TTC13: variants seen among roughly 807,000 people sequenced by gnomAD.
The protein encoded by TTC13 is tetratricopeptide repeat protein 13.
In TTC13, 62 loss-of-function variants were observed where a neutral mutation model predicts 120.0. The observed-to-expected ratio is 0.52, with a 90% CI of 0.42 to 0.64. The LOEUF is 0.64. Among genes scored for constraint, TTC13 ranks in the 30% least tolerant of loss-of-function variants. The pLI is 0.00. For synonymous variants in TTC13, 384 were observed against 393.5 expected (o/e 0.98, Z 0.28); for missense variants, 824 against 1,050.2 (o/e 0.78, Z 2.98).
intron 1 of TTC13, among the ~76,000 whole-genome samples, chr1:230,974,081 A>T (rs1023008682): frequency 2.0e-5 from 3 of 152,020 alleles, no homozygotes; most frequent in South Asian, 4.1e-4. Flanking sequence ...CATCTCAAAA[A>T]AAAAAAAAAA....
At chr1:230,972,368 T>C (rs1326920277) in intron 1 of TTC13, among the ~76,000 whole-genome samples, 2 of 152,248 alleles carry the variant, frequency 1.3e-5, no homozygotes, top group Non-Finnish European at 2.9e-5. Context: ...CTCCTGTATA[T>C]ATGTTGTATT....
chr1:230,921,383 TC>T, intron 16 of TTC13, 37 bp downstream of exon 16: 1 of 1,161,454 alleles, frequency 8.6e-7, no homozygotes. Flanking sequence ...ACACATGAAA[TC>T]AACTCATTAC....
In TTC13 at chr1:230,968,782, G is replaced by C. The variant is rs1677420060; in HGVS notation, c.272-7479C>G. ...GAAGTGGTGCCATCAACGGAAACAA[G>C]GAGTTTAAGAGGAAGAGAGGTTTTA... is the stretch of plus-strand genomic sequence containing the variant. On this transcript the variant is annotated intron_variant, in intron 1 of 22. Coordinates refer to ENST00000366661, the MANE Select transcript of TTC13 (RefSeq NM_024525.5). 2.6e-5 allele frequency among the ~76,000 whole-genome samples: 4 copies of C among 152,320 alleles called. No homozygotes were observed. The South Asian group carries it at 6.2e-4, about 24-fold the overall frequency.
chr1:230,912,059 G>A (rs755087813), intron 19 of TTC13, among the ~76,000 whole-genome samples: 5 of 152,110 alleles, frequency 3.3e-5, no homozygotes, highest in Admixed American at 1.3e-4. Context: ...AGGGGCACCC[G>A]TCCACTGCAG....
At chr1:230,953,630 C>T (rs1219488874) in intron 4 of TTC13, among the ~76,000 whole-genome samples, 1 of 152,190 alleles carries the variant, frequency 6.6e-6, no homozygotes, top group South Asian at 2.1e-4. Flanking sequence ...GCATCTCTAG[C>T]TCTAAAATCC....
In TTC13 at chr1:230,924,876, C is replaced by G; in HGVS notation, c.1686G>C (p.Trp562Cys). The change falls in exon 14 of 23, where the codon TGG (tryptophan) becomes TGC (cysteine). Residue 562 changes from tryptophan (W) to cysteine (C), a missense_variant. Coordinates refer to ENST00000366661, the MANE Select transcript of TTC13 (RefSeq NM_024525.5). ...RMNGKTRLMQ[W>C]RDMFDIAVKW... is the part of the protein sequence containing the mutation. ...TAACTGCAATGTCAAACATGTCTCT[C>G]CACTGCATCAACCGTGTCTTCCCAT... 6.2e-7 allele frequency: 1 copy of G among 1,614,200 alleles called. No individual in the cohort carries two copies. Among genetic ancestry groups the G allele is most frequent in the Non-Finnish European group, 8.5e-7 (1 of 1,180,032 alleles).
chr1:230,978,721 G>A lies in TTC13; in HGVS notation c.110C>T (p.Ala37Val). 1 of 1,496,200 alleles carries A rather than the reference G, an allele frequency of 6.7e-7. No homozygotes were observed. The highest frequency in any genetic ancestry group is 8.8e-7 in the Non-Finnish European group (1 of 1,131,430). The allele number at this position is 1,496,200 out of a possible 1,614,324, so 92.7% of individuals were successfully genotyped here. Residue 37 changes from alanine (A) to valine (V), a missense_variant, in exon 1 of 23, where the codon GCC (alanine) becomes GTC (valine). Transcript: ENST00000366661. The surrounding 1 kb of genome is among the most constrained non-coding windows in gnomAD (Gnocchi z 5.6). ...LLLLLLGVLS[A>V]GLRPGALATE... ...GGCCAGGGCGCCTGGCCGCAGCCCG[G>A]CGGACAGGACCCCCAGCAGCAGCAG...
intron 6 of TTC13, among the ~76,000 whole-genome samples, chr1:230,943,235 TTG>T (rs1366139100): frequency 6.6e-6 from 1 of 152,132 alleles, no homozygotes; most frequent in African/African-American, 2.4e-5. Context: ...GTTATATTTT[TTG>T]TGTTTTTTTT....
intron 15 of TTC13, among the ~76,000 whole-genome samples, chr1:230,921,967 T>G (rs1672612588): frequency 1.3e-5 from 2 of 152,202 alleles, no homozygotes; most frequent in South Asian, 4.1e-4. Flanking sequence ...TTCTGATCTT[T>G]TCCTTTTAAA....
At chr1:230,969,237 G>A (rs539020942) in intron 1 of TTC13, among the ~76,000 whole-genome samples, 12 of 150,804 alleles carry the variant, frequency 8.0e-5, no homozygotes, top group Non-Finnish European at 1.5e-4. Context: ...ACTCCAGCCT[G>A]GGTGACAAAG....
At chr1:230,975,371 C>T (rs2103017826) in intron 1 of TTC13, among the ~76,000 whole-genome samples, 1 of 152,156 alleles carries the variant, frequency 6.6e-6, no homozygotes, top group African/African-American at 2.4e-5. Flanking sequence ...AAGACCCTGT[C>T]TCTAAAAAAA....
intron 6 of TTC13, among the ~76,000 whole-genome samples, chr1:230,943,217 T>C (rs1674671140): frequency 6.6e-6 from 1 of 152,186 alleles, no homozygotes; most frequent in Non-Finnish European, 1.5e-5. Flanking sequence ...TATGTGTTTT[T>C]CTTTTGTGTT....
At position 230,940,527 on chromosome 1, in the gene TTC13, T is replaced by G; in HGVS notation, c.702A>C (p.Glu234Asp). ...EILSPLGRIN[E>D]AVNDLTKAIQ... Reference sequence around the variant, plus strand: ...TAGCTTTAGTGAGGTCATTCACTGCTTCATTAATTCGTCCCAGAGGGGACA... The same window carrying G: ...TAGCTTTAGTGAGGTCATTCACTGCGTCATTAATTCGTCCCAGAGGGGACA... Residue 234 changes from glutamate to aspartate, a missense_variant, in exon 7 of 23, where the codon GAA becomes GAC. Physicochemically the swap from Glu to Asp is conservative, Grantham distance 45 (BLOSUM62 2). Around this residue, in one of 4 missense-constraint regions of TTC13, gnomAD observed 430 missense variants for 626.8 expected, o/e 0.69. Transcript: ENST00000366661. The surrounding 1 kb of genome is among the most constrained non-coding windows in gnomAD (Gnocchi z 4.1). 6.2e-7 allele frequency: 1 copy of G among 1,612,984 alleles called. No homozygotes were observed. Among genetic ancestry groups the G allele is most frequent in the African/African-American group, 1.3e-5 (1 of 75,032 alleles).
In TTC13 at chr1:230,949,845, T is replaced by A. The variant is rs138737077; in HGVS notation, c.514-4391A>T. On this transcript the variant is annotated intron_variant, in intron 4 of 22. Transcript: ENST00000366661. ...TTTGTATTTTTAGTAGAGACGGGGT[T>A]TCACCATGTTAGCCAGGATAGTCTC... 5.0e-3 allele frequency among the ~76,000 whole-genome samples: 760 copies of A among 152,244 alleles called. 25 individuals carry two copies. In the East Asian group the frequency reaches 0.087, roughly 17 times the overall value.
intron 17 of TTC13, chr1:230,920,284 T>C (rs1672456127): frequency 1.2e-5 from 4 of 327,630 alleles, no homozygotes; most frequent in Non-Finnish European, 2.2e-5. Flanking sequence ...AATTCAATTA[T>C]ATGTATTTTT....
At position 230,921,275 on chromosome 1, in the gene TTC13, G is replaced by A. The variant is rs16853188; in HGVS notation, c.1898+146C>T. ...TATTAAAAAGAAAGTGATTATGAAAGCCTTTACGATTCTAAACACTGTGTA... is the reference window on the plus strand; with the variant it reads ...TATTAAAAAGAAAGTGATTATGAAAACCTTTACGATTCTAAACACTGTGTA... On this transcript the variant is annotated intron_variant, in intron 16 of 22. Coordinates refer to ENST00000366661, the MANE Select transcript of TTC13 (RefSeq NM_024525.5). 2.7e-3 allele frequency: 1,374 copies of A among 503,536 alleles called. 13 individuals carry two copies. The highest frequency in any genetic ancestry group is 0.025 in the African/African-American group (1,243 of 49,008). The allele number at this position is 503,536 out of a possible 1,614,324, so 31.2% of individuals were successfully genotyped here. A position where few individuals can be genotyped will look rare whatever the true frequency, so the allele number is the denominator to read the frequency against.
intron 13 of TTC13, 121 bp from the exon 14 acceptor site, chr1:230,925,094 T>C: frequency 7.8e-7 from 1 of 1,276,566 alleles, no homozygotes; most frequent in Admixed American, 2.0e-5. Context: ...GTATTGGTGA[T>C]ATAACAAGAC....
intron 8 of TTC13, among the ~76,000 whole-genome samples, chr1:230,937,827 CA>C (rs1454491574): frequency 6.6e-6 from 1 of 152,176 alleles, no homozygotes; most frequent in Non-Finnish European, 1.5e-5. Flanking sequence ...ACGATCACTC[CA>C]AGAGGCAGAA....
In TTC13 at chr1:230,923,183, CTGA is replaced by C. The variant is rs1558176510; in HGVS notation, c.1814+655_1814+657del. On this transcript the variant is annotated intron_variant, in intron 15 of 22. Transcript: ENST00000366661. ...AAAATTAAATTCACTAAAAGATGGG[CTGA>C]TAATATAGGTCCCCAAGAAACTGAT... 7.9e-5 allele frequency among the ~76,000 whole-genome samples: 12 copies of C among 152,198 alleles called. 1 individual carries two copies. In the South Asian group the frequency reaches 2.3e-3, roughly 29 times the overall value.
Sources: allele counts gnomAD v4.1 joint callset (sites outside exome capture counted in the v4.1 genomes callset), GRCh38; gene constraint gnomAD v4.1.1; regional missense constraint gnomAD v4.1.1; non-coding constraint Gnocchi (gnomAD v3.1); transcripts MANE v1.5; gene names NCBI Gene and HGNC (gene_info 2026-07-23, HGNC 2026-07-21).